Variants in HSF5 observed in about 807,000 individuals in gnomAD.
HSF5 encodes the protein heat shock transcription factor 5.
In HSF5, 5 loss-of-function variants were observed where a neutral mutation model predicts 50.8. The ratio of observed to expected loss-of-function variants is 0.10; its 90% CI spans 0.05 to 0.21. HSF5 has a LOEUF of 0.21. Among genes scored for constraint, HSF5 ranks in the 10% least tolerant of loss-of-function variants. The pLI, the probability that HSF5 is intolerant of heterozygous loss-of-function variation, is 1.00. For missense variants in HSF5, 564 were observed against 762.6 expected (o/e 0.74, Z 3.07); for synonymous variants, 307 against 307.4 (o/e 1.00, Z 0.02).
chr17:58,464,731 C>G (rs1458353201), intron 3 of HSF5, among the ~76,000 whole-genome samples: 1 of 152,162 alleles, frequency 6.6e-6, no homozygotes. Context: ...CTCCCAGGTT[C>G]AGGCGATTCT....
intron 2 of HSF5, chr17:58,476,908 G>A (rs922990369): frequency 1.1e-6 from 1 of 948,646 alleles, no homozygotes; most frequent in African/African-American, 1.7e-5. Flanking sequence ...TGTAGTGGTT[G>A]GAGTTGAGCT....
chr17:58,453,858 G>A (rs1974673059), intron 5 of HSF5, among the ~76,000 whole-genome samples: 1 of 152,070 alleles, frequency 6.6e-6, no homozygotes, highest in Admixed American at 6.6e-5. Flanking sequence ...GGAGGCCGAG[G>A]TGGGCAGATC....
intron 1 of HSF5, among the ~76,000 whole-genome samples, chr17:58,485,783 T>C (rs1488405574): frequency 6.7e-6 from 1 of 150,108 alleles, no homozygotes; most frequent in Non-Finnish European, 1.5e-5. Flanking sequence ...ATAAAATAAT[T>C]TGGCCATGTG....
At chr17:58,482,709 C>CAA (rs34783781) in intron 1 of HSF5, among the ~76,000 whole-genome samples, 3,409 of 13,394 alleles carry the variant, frequency 0.25, 811 homozygotes, top group Admixed American at 0.36. Context: ...GACTCCATCT[C>CAA]AAAAAAAAAA....
Position 58,433,490 on chromosome 17 carries a change from G to C in HSF5, c.1721-11060C>G, listed in dbSNP as rs548059541. The stretch of plus-strand genomic sequence containing the variant: ...AGGTGATAATAAAAGCATGAGACTG[G>C]TTAAGATTACCTAGGAATTGAATAG... On this transcript the variant is annotated intron_variant, in intron 5 of 5. Transcript: ENST00000323777. Among the ~76,000 whole-genome samples, 5 of 152,256 alleles carry C rather than the reference G, an allele frequency of 3.3e-5. No individual in the cohort carries two copies. The East Asian group carries it at 9.6e-4, about 29-fold the overall frequency.
rs775071527 is a variant in HSF5 at position 58,488,278 on chromosome 17, C to T, written c.-4G>A. The T allele has an allele frequency of 1.2e-4, 170 of 1,466,532 alleles. No homozygotes were observed. Among genetic ancestry groups the T allele is most frequent in the Admixed American group, 3.6e-4 (14 of 38,456 alleles). The allele number at this position is 1,466,532 out of a possible 1,614,324, so 90.8% of individuals were successfully genotyped here. On this transcript the variant is annotated 5_prime_UTR_variant, in exon 1 of 6. Coordinates refer to ENST00000323777, the MANE Select transcript of HSF5 (RefSeq NM_001080439.3). The surrounding 1 kb of genome is among the most constrained non-coding windows in gnomAD (Gnocchi z 4.1). ...GGGTGGAGAGCAGCGCCTCCATCGCCCCGCCGGGCCGGGGCCTCGCCCCCC... is the reference window on the plus strand; with the variant it reads ...GGGTGGAGAGCAGCGCCTCCATCGCTCCGCCGGGCCGGGGCCTCGCCCCCC...
At chr17:58,464,040 G>A (rs951114332) in intron 3 of HSF5, among the ~76,000 whole-genome samples, 2 of 152,064 alleles carry the variant, frequency 1.3e-5, no homozygotes, top group African/African-American at 4.8e-5. Flanking sequence ...GCACAGAGTA[G>A]GCATTCAATA....
At chr17:58,434,041 G>A (rs931936603) in intron 5 of HSF5, among the ~76,000 whole-genome samples, 13 of 150,702 alleles carry the variant, frequency 8.6e-5, no homozygotes, top group Non-Finnish European at 1.8e-4. Flanking sequence ...AGCCTCCCGA[G>A]TAGCTGGGAT....
chr17:58,467,773 T>C (rs893679465), intron 2 of HSF5, among the ~76,000 whole-genome samples: 1 of 152,240 alleles, frequency 6.6e-6, no homozygotes, highest in Non-Finnish European at 1.5e-5. Context: ...AAACTTTCCC[T>C]TTATAGTCAG....
chr17:58,467,649 T>A (rs1202156182), intron 2 of HSF5, among the ~76,000 whole-genome samples: 2 of 152,236 alleles, frequency 1.3e-5, no homozygotes, highest in Non-Finnish European at 2.9e-5. Context: ...AATATGGTGG[T>A]TGTTGTGATA....
intron 5 of HSF5, among the ~76,000 whole-genome samples, chr17:58,429,480 G>A (rs1364681116): frequency 6.6e-6 from 1 of 152,148 alleles, no homozygotes; most frequent in African/African-American, 2.4e-5. Flanking sequence ...GTTGCAGTGA[G>A]CCAAGATCAT....
intron 5 of HSF5, among the ~76,000 whole-genome samples, chr17:58,453,916 G>A (rs533425263): frequency 7.9e-5 from 12 of 151,894 alleles, no homozygotes; most frequent in East Asian, 5.8e-4. Flanking sequence ...TGGAGAAACC[G>A]CGTCTCTTCT....
intron 2 of HSF5, among the ~76,000 whole-genome samples, chr17:58,468,796 C>G (rs1403079483): frequency 6.6e-6 from 1 of 151,988 alleles, no homozygotes; most frequent in Non-Finnish European, 1.5e-5. Flanking sequence ...AATTATAGTT[C>G]AGACATAAAT....
intron 5 of HSF5, among the ~76,000 whole-genome samples, chr17:58,451,021 G>A (rs751455376): frequency 9.2e-5 from 14 of 152,152 alleles, no homozygotes; most frequent in East Asian, 3.9e-4. Context: ...CCTGGGAGGC[G>A]GAGGTTGTAG....
At chr17:58,460,708 A>C (rs1974783712) in intron 4 of HSF5, among the ~76,000 whole-genome samples, 1 of 144,884 alleles carries the variant, frequency 6.9e-6, no homozygotes, top group African/African-American at 2.4e-5. Context: ...ACAGGGTTTC[A>C]CCGTGTTAAC....
At chr17:58,487,576 A>T in intron 1 of HSF5, 149 bp downstream of exon 1, 1 of 1,255,696 alleles carries the variant, frequency 8.0e-7, no homozygotes, top group Non-Finnish European at 1.0e-6. Flanking sequence ...CGGGACCGCC[A>T]GTCTCGGGAA....
At chr17:58,466,752 G>C (rs538544087) in intron 3 of HSF5, 133 bp downstream of exon 3, 13 of 624,360 alleles carry the variant, frequency 2.1e-5, no homozygotes, top group Non-Finnish European at 3.2e-5. Flanking sequence ...TTTAAGAATT[G>C]AGAAAACAAA....
Position 58,488,303 on chromosome 17 carries a change from C to G in HSF5, c.-29G>C, listed in dbSNP as rs750225432. The G allele has an allele frequency of 3.2e-5, 47 of 1,446,842 alleles. No homozygotes were observed. In the Admixed American group the frequency reaches 3.7e-4, roughly 11 times the overall value. The allele number at this position is 1,446,842 out of a possible 1,614,324, so 89.6% of individuals were successfully genotyped here. On this transcript the variant is annotated 5_prime_UTR_variant, in exon 1 of 6. Transcript: ENST00000323777. This position sits in a 1 kb window ranked among gnomAD's most constrained non-coding sequence, Gnocchi z 4.1. Reference sequence around the variant, plus strand: ...CCCGCCGGGCCGGGGCCTCGCCCCCCGAGCCTAGCTCTCCCACACCGTTCT... The same window carrying G: ...CCCGCCGGGCCGGGGCCTCGCCCCCGGAGCCTAGCTCTCCCACACCGTTCT...
chr17:58,428,417 T>A lies in HSF5; in HGVS notation c.1721-5987A>T, dbSNP rs369503096. ...GCTCACGTCTGTAATCCCAACACTTTGGGAGGCCGAGGTGGGCAGATCACG... is the reference window on the plus strand; with the variant it reads ...GCTCACGTCTGTAATCCCAACACTTAGGGAGGCCGAGGTGGGCAGATCACG... On this transcript the variant is annotated intron_variant, in intron 5 of 5. Coordinates refer to ENST00000323777, the MANE Select transcript of HSF5 (RefSeq NM_001080439.3). Among the ~76,000 whole-genome samples the A allele has an allele frequency of 1.8e-4, 27 of 152,248 alleles. No individual in the cohort carries two copies. In the East Asian group the frequency reaches 1.9e-3, roughly 11 times the overall value.
Sources: allele counts gnomAD v4.1 joint callset (sites outside exome capture counted in the v4.1 genomes callset), GRCh38; gene constraint gnomAD v4.1.1; non-coding constraint Gnocchi (gnomAD v3.1); transcripts MANE v1.5; gene names NCBI Gene and HGNC (gene_info 2026-07-23, HGNC 2026-07-21).